Variants in MARCHF1 observed in about 807,000 individuals in gnomAD.
The protein encoded by MARCHF1 is membrane associated ring-CH-type finger 1.
A neutral mutation model predicts 54.2 loss-of-function variants in MARCHF1; 40 were observed. The observed-to-expected ratio is 0.74, with a 90% confidence interval of 0.57 to 0.96. The LOEUF (loss-of-function observed/expected upper bound fraction) is 0.96. Among genes scored for constraint, MARCHF1 ranks in the 40% least tolerant of loss-of-function variants. The pLI is 0.00. For synonymous variants in MARCHF1, 236 were observed against 236.3 expected, an observed-to-expected ratio of 1.00 and a Z score of 0.01; for missense variants, 586 against 656.5, an observed-to-expected ratio of 0.89 and a Z score of 1.17.
intron 2 of MARCHF1, among the ~76,000 whole-genome samples, chr4:164,023,979 G>C (rs560344304): frequency 2.0e-5 from 3 of 151,938 alleles, no homozygotes; most frequent in Non-Finnish European, 2.9e-5. Context: ...CCAAGATGAG[G>C]AAAGAATCTC....
At chr4:164,233,839 TACC>T (rs1732478942) in intron 1 of MARCHF1, among the ~76,000 whole-genome samples, 1 of 152,124 alleles carries the variant, frequency 6.6e-6, no homozygotes, top group Non-Finnish European at 1.5e-5. Flanking sequence ...GATATACCAA[TACC>T]ACCATCACTA....
chr4:164,126,067 C>G (rs937770666), intron 1 of MARCHF1, among the ~76,000 whole-genome samples: 1 of 152,224 alleles, frequency 6.6e-6, no homozygotes, highest in Non-Finnish European at 1.5e-5. Context: ...GGTCAAACGA[C>G]TAAGGTTCCA....
At chr4:163,586,074 T>C (rs1740402686) in intron 7 of MARCHF1, 145 bp from the exon 8 acceptor site, 1 of 640,636 alleles carries the variant, frequency 1.6e-6, no homozygotes, top group Admixed American at 3.5e-5. Flanking sequence ...ACTTTGATGC[T>C]AGAACCAAAT....
intron 1 of MARCHF1, among the ~76,000 whole-genome samples, chr4:164,276,311 T>C (rs373626432): frequency 5.3e-5 from 8 of 152,298 alleles, no homozygotes; most frequent in East Asian, 1.9e-4. Flanking sequence ...AACGTACTTA[T>C]ATTTTTCGTC....
chr4:164,286,054 G>T (rs1009069767), intron 1 of MARCHF1, among the ~76,000 whole-genome samples: 2 of 152,008 alleles, frequency 1.3e-5, no homozygotes, highest in African/African-American at 4.8e-5. Context: ...TCCCTGACAG[G>T]ATCAATAAAG....
chr4:163,670,450 T>G (rs914889429), intron 5 of MARCHF1, among the ~76,000 whole-genome samples: 5 of 151,856 alleles, frequency 3.3e-5, no homozygotes, highest in African/African-American at 9.7e-5. Flanking sequence ...GTGGAAAATT[T>G]TATTTACACG....
intron 5 of MARCHF1, among the ~76,000 whole-genome samples, chr4:163,682,054 C>A (rs772141904): frequency 1.8e-4 from 27 of 152,126 alleles, no homozygotes; most frequent in Non-Finnish European, 3.4e-4. Context: ...GTGATATGGA[C>A]AATGAAATCC....
intron 5 of MARCHF1, among the ~76,000 whole-genome samples, chr4:163,620,606 C>CAG (rs138054709): frequency 0.01 from 577 of 56,884 alleles, 6 homozygotes; most frequent in Non-Finnish European, 0.02. Flanking sequence ...CACACACACA[C>CAG]AGAGAGAGAG....
intron 7 of MARCHF1, among the ~76,000 whole-genome samples, chr4:163,597,833 G>A (rs1740825844): frequency 6.6e-6 from 1 of 152,128 alleles, no homozygotes; most frequent in Admixed American, 6.6e-5. Flanking sequence ...AACTTTTGTA[G>A]CATTTTGTTT....
At chr4:163,610,420 C>T (rs943677857) in intron 7 of MARCHF1, among the ~76,000 whole-genome samples, 1 of 152,066 alleles carries the variant, frequency 6.6e-6, no homozygotes, top group Non-Finnish European at 1.5e-5. Flanking sequence ...ATTAAATATC[C>T]TGTCTTTGAA....
intron 3 of MARCHF1, among the ~76,000 whole-genome samples, chr4:163,955,335 T>A (rs566620088): frequency 7.1e-6 from 1 of 141,076 alleles, no homozygotes; most frequent in Admixed American, 7.2e-5. Flanking sequence ...GAGGATAGGA[T>A]CTGCTTTGAG....
chr4:163,644,719 G>A (rs1206804708), intron 5 of MARCHF1, among the ~76,000 whole-genome samples: 2 of 152,170 alleles, frequency 1.3e-5, no homozygotes, highest in African/African-American at 4.8e-5. Flanking sequence ...CTCAGCTATA[G>A]TTCATCTCAA....
chr4:164,039,565 G>T (rs1163202605), intron 2 of MARCHF1, among the ~76,000 whole-genome samples: 2 of 152,100 alleles, frequency 1.3e-5, no homozygotes, highest in African/African-American at 4.8e-5. Context: ...TTCATTGGAA[G>T]TTGCATTATC....
At chr4:164,109,666 C>T (rs552120455) in intron 2 of MARCHF1, among the ~76,000 whole-genome samples, 62 of 151,556 alleles carry the variant, frequency 4.1e-4, no homozygotes, top group South Asian at 2.1e-3. Context: ...AATCAAGAAG[C>T]GCGTGACCAA....
chr4:163,566,183 C>T (rs1427985389), intron 8 of MARCHF1, among the ~76,000 whole-genome samples: 1 of 152,166 alleles, frequency 6.6e-6, no homozygotes, highest in African/African-American at 2.4e-5. Context: ...CAGAGCAATG[C>T]TTTTCTTTGG....
In MARCHF1 at chr4:163,942,984, C is replaced by T. The variant is rs147193066; in HGVS notation, c.-39+45517G>A. 6.9e-4 allele frequency among the ~76,000 whole-genome samples: 104 copies of T among 150,562 alleles called. 1 individual carries two copies. The highest frequency in any genetic ancestry group is 5.8e-3 in the East Asian group (30 of 5,156). ...ACACTAGTTTTTTGTTGTTGTTGGCCGCATGTATGTCTTCTTTTGAAAAGT... is the reference window on the plus strand; with the variant it reads ...ACACTAGTTTTTTGTTGTTGTTGGCTGCATGTATGTCTTCTTTTGAAAAGT... On this transcript the variant is annotated intron_variant, in intron 3 of 9. Coordinates refer to ENST00000514618, the MANE Select transcript of MARCHF1 (RefSeq NM_001394959.1).
chr4:164,086,663 T>C (rs1428868818), intron 2 of MARCHF1, among the ~76,000 whole-genome samples: 1 of 152,050 alleles, frequency 6.6e-6, no homozygotes, highest in African/African-American at 2.4e-5. Context: ...ACTCTGTGTT[T>C]TTAATCAATA....
chr4:164,338,243 T>C (rs1439529382), intron 1 of MARCHF1, among the ~76,000 whole-genome samples: 1 of 151,786 alleles, frequency 6.6e-6, no homozygotes, highest in African/African-American at 2.4e-5. Flanking sequence ...AAAATCCTCA[T>C]GGAAATTACA....
intron 4 of MARCHF1, among the ~76,000 whole-genome samples, chr4:163,820,904 G>A (rs1748674856): frequency 6.6e-6 from 1 of 151,974 alleles, no homozygotes; most frequent in African/African-American, 2.4e-5. Context: ...CATTTATAGT[G>A]TGGGCTGAGC....
Sources: allele counts gnomAD v4.1 joint callset (sites outside exome capture counted in the v4.1 genomes callset), GRCh38; gene constraint gnomAD v4.1.1; transcripts MANE v1.5; gene names NCBI Gene and HGNC (gene_info 2026-07-23, HGNC 2026-07-21).